COL4A5: variants seen among roughly 807,000 people sequenced by gnomAD.
COL4A5 encodes collagen type IV alpha 5 chain.
COL4A5 carries 26 observed loss-of-function variants against 130.2 expected under a neutral mutation model. That is an observed-to-expected ratio of 0.20 (90% CI 0.15 to 0.28). The LOEUF (loss-of-function observed/expected upper bound fraction) is 0.28, where lower values mean the gene tolerates loss of function less well. Among genes scored for constraint, COL4A5 ranks in the 10% least tolerant of loss-of-function variants. The pLI is 1.00. For synonymous variants in COL4A5, 496 were observed against 439.6 expected (o/e 1.13, Z -1.60); for missense variants, 1,131 against 1,344.3 (o/e 0.84, Z 2.48).
intron 1 of COL4A5, among the ~76,000 whole-genome samples, chrX:108,518,745 G>A (rs1360284566): frequency 9.0e-6 from 1 of 111,455 alleles, no homozygotes; most frequent in Non-Finnish European, 1.9e-5. Flanking sequence ...ATATTTTAAT[G>A]AGTCTTCTCT....
chrX:108,622,873 GT>G lies in COL4A5; in HGVS notation c.2917+51del. On this transcript the variant is annotated intron_variant, in intron 33 of 52. Transcript: ENST00000328300. ...GAATATTTTTCCTGATATATCTGAA[GT>G]TTAATTTTTAAATAGCATGAAAAGT... The G allele has an allele frequency of 6.2e-6, 7 of 1,127,783 alleles. No homozygotes were observed. The South Asian group carries it at 1.4e-4, about 22-fold the overall frequency. The allele number at this position is 1,127,783 out of a possible 1,213,427, so 92.9% of individuals were successfully genotyped here.
At position 108,660,203 on chromosome X, in the gene COL4A5, G is replaced by A. The variant is rs183300645; in HGVS notation, c.3373+4746G>A. Among the ~76,000 whole-genome samples, 275 of 111,817 alleles carry A rather than the reference G, an allele frequency of 2.5e-3. 2 individuals are homozygous for A. Among genetic ancestry groups the A allele is most frequent in the Non-Finnish European group, 3.5e-3 (183 of 52,983 alleles). On this transcript the variant is annotated intron_variant, in intron 37 of 52. Coordinates refer to ENST00000328300, the MANE Select transcript of COL4A5 (RefSeq NM_033380.3). ...TGTGTGATTGTGTTTATATATTTCA[G>A]ATGATTATTATATAGGTAATAAATT...
intron 33 of COL4A5, among the ~76,000 whole-genome samples, chrX:108,623,372 C>T (rs2067093746): frequency 9.0e-6 from 1 of 110,881 alleles, no homozygotes. Context: ...ATCTAGGGAA[C>T]AATTGTGTCC....
intron 1 of COL4A5, among the ~76,000 whole-genome samples, chrX:108,469,306 TTTTTTAA>T (rs1268261805): frequency 1.8e-5 from 2 of 108,457 alleles, no homozygotes; most frequent in Non-Finnish European, 3.8e-5. Context: ...GCCTGGCTAA[TTTTTTAA>T]TTTTTATTTT....
chrX:108,606,632 G>A lies in COL4A5; in HGVS notation c.2245-110G>A. The A allele has an allele frequency of 4.6e-6, 4 of 861,492 alleles. No individual in the cohort carries two copies. In the South Asian group the frequency reaches 8.2e-5, roughly 18 times the overall value. The allele number at this position is 861,492 out of a possible 1,213,427, so 71.0% of individuals were successfully genotyped here. ...TAATTATCTTCTCCTCTCCCCCCAT[G>A]GAAGGAAAAGTATTGTCTTGTATTT... On this transcript the variant is annotated intron_variant, in intron 28 of 52. Transcript: ENST00000328300.
At chrX:108,659,613 T>C (rs1220542439) in intron 37 of COL4A5, among the ~76,000 whole-genome samples, 1 of 110,621 alleles carries the variant, frequency 9.0e-6, no homozygotes, top group Non-Finnish European at 1.9e-5. Flanking sequence ...GTATGTCTTC[T>C]TGAAGAGTTG....
At chrX:108,523,377 C>T (rs1311988557) in intron 1 of COL4A5, among the ~76,000 whole-genome samples, 1 of 111,448 alleles carries the variant, frequency 9.0e-6, no homozygotes, top group Non-Finnish European at 1.9e-5. Flanking sequence ...TCCTTGGCAC[C>T]TTTGTCAAAA....
Position 108,696,277 on chromosome X carries a change from T to A in COL4A5, c.4995-20T>A, listed in dbSNP as rs746795389. ...ATACCAGAAAATGTGGATCTGATTG[T>A]CTTATTTCTTATTTCCCAGTAAACC... is the stretch of plus-strand genomic sequence containing the variant. On this transcript the variant is annotated intron_variant, in intron 52 of 52. Transcript: ENST00000328300. 1.7e-6 allele frequency: 2 copies of A among 1,162,362 alleles called. No individual in the cohort carries two copies. The highest frequency in any genetic ancestry group is 5.9e-5 in the East Asian group (2 of 33,642).
chrX:108,694,687 G>T, intron 50 of COL4A5, 120 bp from the exon 51 acceptor site: 1 of 563,429 alleles, frequency 1.8e-6, no homozygotes. Context: ...TTCACCTTTT[G>T]TGATCATTGA....
At chrX:108,455,225 T>C (rs773666261) in intron 1 of COL4A5, among the ~76,000 whole-genome samples, 14 of 112,002 alleles carry the variant, frequency 1.2e-4, no homozygotes, top group African/African-American at 4.5e-4. Flanking sequence ...TTATTTCACT[T>C]AGCATAATTA....
chrX:108,494,370 C>T (rs1319397039), intron 1 of COL4A5, among the ~76,000 whole-genome samples: 2 of 111,474 alleles, frequency 1.8e-5, no homozygotes, highest in Non-Finnish European at 3.8e-5. Flanking sequence ...AAAAAATATC[C>T]GTAAGAAAAG....
intron 28 of COL4A5, among the ~76,000 whole-genome samples, chrX:108,606,497 C>T (rs1177727409): frequency 1.8e-5 from 2 of 109,189 alleles, no homozygotes; most frequent in Non-Finnish European, 3.8e-5. Flanking sequence ...CATGCTCTCT[C>T]AGTTTTTTTT....
chrX:108,546,557 C>A (rs747475811), intron 2 of COL4A5, among the ~76,000 whole-genome samples: 5 of 111,420 alleles, frequency 4.5e-5, no homozygotes, highest in Middle Eastern at 4.7e-3. Flanking sequence ...TCCTTCATTT[C>A]AACTTTGGTG....
chrX:108,671,089 T>C (rs1314580405), intron 42 of COL4A5, among the ~76,000 whole-genome samples: 1 of 111,152 alleles, frequency 9.0e-6, no homozygotes, highest in Non-Finnish European at 1.9e-5. Flanking sequence ...CTTAATCTTA[T>C]TTTCATTATA....
intron 1 of COL4A5, among the ~76,000 whole-genome samples, chrX:108,453,573 G>A (rs2064552141): frequency 2.7e-5 from 3 of 111,411 alleles, no homozygotes; most frequent in Admixed American, 9.6e-5. Flanking sequence ...TATGGTATAT[G>A]TTGATAGATG....
At chrX:108,460,366 G>A (rs1337985881) in intron 1 of COL4A5, among the ~76,000 whole-genome samples, 4 of 111,303 alleles carry the variant, frequency 3.6e-5, no homozygotes, top group Non-Finnish European at 5.6e-5. Context: ...ATCACCCTAG[G>A]CCGTGGATTT....
intron 1 of COL4A5, among the ~76,000 whole-genome samples, chrX:108,469,804 G>A (rs894430094): frequency 4.5e-5 from 5 of 111,553 alleles, no homozygotes; most frequent in African/African-American, 1.3e-4. Context: ...TCCTCTAGTA[G>A]TCCCCAGTGT....
chrX:108,544,807 G>C (rs1401411017), intron 2 of COL4A5, among the ~76,000 whole-genome samples: 1 of 111,518 alleles, frequency 9.0e-6, no homozygotes, highest in Non-Finnish European at 1.9e-5. Context: ...GGTCTATTCA[G>C]AGATTCAACT....
At chrX:108,496,190 C>T (rs1187324269) in intron 1 of COL4A5, among the ~76,000 whole-genome samples, 1 of 112,128 alleles carries the variant, frequency 8.9e-6, no homozygotes, top group Non-Finnish European at 1.9e-5. Flanking sequence ...CTAATGTATG[C>T]ATTTAATGTA....
Sources: gnomAD v4.1 joint callset for allele counts (sites outside exome capture counted in the v4.1 genomes callset) on GRCh38, gnomAD v4.1.1 for gene constraint, MANE v1.5 for transcripts, NCBI Gene and HGNC (gene_info 2026-07-23, HGNC 2026-07-21) for gene names.